RALGPS1: variants seen among roughly 807,000 people sequenced by gnomAD.
RALGPS1 encodes the protein ras-specific guanine nucleotide-releasing factor RalGPS1.
In RALGPS1, 19 loss-of-function variants were observed where a neutral mutation model predicts 78.8. The observed-to-expected ratio is 0.24, with a 90% CI of 0.17 to 0.35. The LOEUF is 0.35. Ranked by LOEUF, RALGPS1 falls within the 10% of genes least tolerant of loss-of-function variation. RALGPS1 has a pLI of 1.00. For synonymous variants in RALGPS1, 228 were observed against 256.3 expected (o/e 0.89, Z 1.06); for missense variants, 454 against 688.3 (o/e 0.66, Z 3.81).
At chr9:127,077,312 A>G (rs1181561185) in intron 8 of RALGPS1, among the ~76,000 whole-genome samples, 1 of 152,222 alleles carries the variant, frequency 6.6e-6, no homozygotes, top group Non-Finnish European at 1.5e-5. Context: ...CTTTAAAAGC[A>G]GTTCATTTTA....
intron 5 of RALGPS1, 42 bp from the exon 6 acceptor site, chr9:127,050,001 T>A (rs749281935): frequency 6.9e-7 from 1 of 1,457,864 alleles, no homozygotes; most frequent in South Asian, 1.1e-5. Flanking sequence ...TAACAACTTT[T>A]CTGGTGTGTA....
intron 14 of RALGPS1, among the ~76,000 whole-genome samples, chr9:127,210,286 A>T (rs188299739): frequency 1.3e-5 from 2 of 152,364 alleles, no homozygotes; most frequent in Non-Finnish European, 2.9e-5. Context: ...CAGGCCCAAC[A>T]TGCAAGGTTG....
At chr9:127,149,466 A>G (rs947768038) in intron 8 of RALGPS1, among the ~76,000 whole-genome samples, 4 of 152,272 alleles carry the variant, frequency 2.6e-5, no homozygotes, top group Non-Finnish European at 5.9e-5. Flanking sequence ...TTGATGGGCT[A>G]TGAATCAGAC....
intron 1 of RALGPS1, among the ~76,000 whole-genome samples, chr9:126,956,697 A>G (rs1462364849): frequency 2.0e-5 from 3 of 152,188 alleles, no homozygotes; most frequent in East Asian, 3.8e-4. Context: ...CCTTCCCAGC[A>G]GTGGAAGCCC....
chr9:127,011,159 G>T (rs1031351622), intron 4 of RALGPS1, among the ~76,000 whole-genome samples: 4 of 152,040 alleles, frequency 2.6e-5, no homozygotes, highest in African/African-American at 4.8e-5. Context: ...TTCCTAGACC[G>T]AGAGCCCACC....
intron 5 of RALGPS1, among the ~76,000 whole-genome samples, chr9:127,045,762 T>TACACACAC (rs59773981): frequency 2.9e-5 from 4 of 137,034 alleles, no homozygotes; most frequent in Admixed American, 2.2e-4. Flanking sequence ...CACACACACA[T>TACACACAC]ACACACACAC....
chr9:127,139,142 C>T (rs1302466476), intron 8 of RALGPS1, among the ~76,000 whole-genome samples: 2 of 152,104 alleles, frequency 1.3e-5, no homozygotes, highest in Non-Finnish European at 2.9e-5. Context: ...TCTGGGCTCG[C>T]CCTGCCTCAG....
intron 11 of RALGPS1, chr9:127,184,105 C>A: frequency 1.3e-6 from 2 of 1,498,210 alleles, no homozygotes; most frequent in South Asian, 2.4e-5. Flanking sequence ...GCAGGAGGAT[C>A]ACTTGAGCCC....
intron 3 of RALGPS1, among the ~76,000 whole-genome samples, chr9:126,971,989 A>G (rs1012940134): frequency 6.6e-6 from 1 of 152,252 alleles, no homozygotes; most frequent in African/African-American, 2.4e-5. Flanking sequence ...AATTGGAAAT[A>G]TTAGTATGAA....
At chr9:127,055,947 A>T (rs1040015384) in intron 7 of RALGPS1, among the ~76,000 whole-genome samples, 1 of 152,206 alleles carries the variant, frequency 6.6e-6, no homozygotes. Context: ...CAGAAAGAGC[A>T]GTCAGAGGAG....
intron 3 of RALGPS1, among the ~76,000 whole-genome samples, chr9:126,976,259 C>G (rs1400431349): frequency 3.3e-5 from 5 of 151,966 alleles, no homozygotes; most frequent in African/African-American, 1.2e-4. Flanking sequence ...ATGAGCCCAT[C>G]TGTGTGGCTT....
intron 4 of RALGPS1, among the ~76,000 whole-genome samples, chr9:127,029,931 G>A (rs1223024088): frequency 6.6e-6 from 1 of 152,228 alleles, no homozygotes; most frequent in Non-Finnish European, 1.5e-5. Flanking sequence ...GCTGAAACCA[G>A]TGTTGATTCT....
chr9:126,958,142 A>AAAAAAAATAT (rs113413659), intron 1 of RALGPS1, among the ~76,000 whole-genome samples: 22 of 77,086 alleles, frequency 2.9e-4, no homozygotes, highest in East Asian at 8.0e-4. Flanking sequence ...AAAAAAAAAA[A>AAAAAAAATAT]ATATATATAT....
intron 4 of RALGPS1, among the ~76,000 whole-genome samples, chr9:127,025,366 C>T (rs923156424): frequency 1.3e-5 from 2 of 152,168 alleles, no homozygotes; most frequent in Non-Finnish European, 2.9e-5. Context: ...CATGCACATA[C>T]AAGTTTTTTG....
At chr9:126,934,171 T>A (rs1382803976) in intron 1 of RALGPS1, among the ~76,000 whole-genome samples, 1 of 150,812 alleles carries the variant, frequency 6.6e-6, no homozygotes, top group Non-Finnish European at 1.5e-5. Context: ...GTGGGAAAAG[T>A]ATTTTAACAT....
chr9:127,168,343 T>G (rs912059714), intron 9 of RALGPS1, among the ~76,000 whole-genome samples: 1 of 152,166 alleles, frequency 6.6e-6, no homozygotes, highest in Non-Finnish European at 1.5e-5. Context: ...CTCTGGTCTG[T>G]TTTGGAGGCC....
chr9:127,094,039 G>T, intron 8 of RALGPS1: 1 of 1,240,776 alleles, frequency 8.1e-7, no homozygotes, highest in Non-Finnish European at 1.1e-6. Context: ...GGAGCCACAG[G>T]CCCACGGTCT....
chr9:127,054,197 G>A (rs2048525802), intron 7 of RALGPS1, among the ~76,000 whole-genome samples: 1 of 152,234 alleles, frequency 6.6e-6, no homozygotes, highest in Non-Finnish European at 1.5e-5. Flanking sequence ...ACCGGTCTTA[G>A]CAGTTGCTGC....
chr9:127,217,614 AC>A, intron 18 of RALGPS1: 1 of 205,100 alleles, frequency 4.9e-6, no homozygotes, highest in Non-Finnish European at 8.6e-6. Flanking sequence ...CAGCAGAGCC[AC>A]CAGGGCCTTG....
Sources: allele counts gnomAD v4.1 joint callset (sites outside exome capture counted in the v4.1 genomes callset), GRCh38; gene constraint gnomAD v4.1.1; transcripts MANE v1.5; gene names NCBI Gene and HGNC (gene_info 2026-07-23, HGNC 2026-07-21).